The following LRRC40 variants were observed in gnomAD, a reference collection of about 807,000 sequenced individuals.
LRRC40 encodes leucine rich repeat containing 40.
A neutral mutation model predicts 72.8 loss-of-function variants in LRRC40; 76 were observed. The ratio of observed to expected loss-of-function variants is 1.04; its 90% CI spans 0.87 to 1.26. The LOEUF (loss-of-function observed/expected upper bound fraction) is 1.26. LRRC40 is among the 50% of genes most tolerant of loss of function. The pLI is 0.00. For synonymous variants in LRRC40, 243 were observed against 254.2 expected, an observed-to-expected ratio of 0.96 and a Z score of 0.42; for missense variants, 684 against 698.9, an observed-to-expected ratio of 0.98 and a Z score of 0.24.
intron 5 of LRRC40, 88 bp from the exon 6 acceptor site, chr1:70,179,081 C>T (rs972466231): frequency 5.9e-6 from 4 of 677,932 alleles, no homozygotes; most frequent in Non-Finnish European, 9.1e-6. Flanking sequence ...TGTAAGAAAT[C>T]GCTATGAGGA....
intron 9 of LRRC40, among the ~76,000 whole-genome samples, chr1:70,160,699 A>G (rs1368746736): frequency 1.3e-5 from 2 of 152,172 alleles, no homozygotes; most frequent in African/African-American, 2.4e-5. Flanking sequence ...AGCTCCTTTT[A>G]ATAATTAGCA....
intron 1 of LRRC40, among the ~76,000 whole-genome samples, chr1:70,204,344 T>C (rs1297188873): frequency 6.6e-6 from 1 of 152,192 alleles, no homozygotes; most frequent in African/African-American, 2.4e-5. Flanking sequence ...ATAAATGATA[T>C]AAATTCTGAT....
rs1344500106 is a variant in LRRC40 at position 70,169,764 on chromosome 1, T to C, written c.1111+3701A>G. On this transcript the variant is annotated intron_variant, in intron 9 of 14. Coordinates refer to ENST00000370952, the MANE Select transcript of LRRC40 (RefSeq NM_017768.5). Reference sequence around the variant, plus strand: ...GAAACAGACAATCTGAGTATATCTATAACACGTGAAGAGTAATAAAAAAAA... The same window carrying C: ...GAAACAGACAATCTGAGTATATCTACAACACGTGAAGAGTAATAAAAAAAA... Among the ~76,000 whole-genome samples the C allele has an allele frequency of 3.3e-5, 5 of 152,046 alleles. No individual in the cohort carries two copies. In the East Asian group the frequency reaches 9.6e-4, roughly 29 times the overall value.
rs778220679 is a variant in LRRC40, at chr1:70,189,162, A to G, written c.263T>C (p.Ile88Thr). Residue 88 changes from isoleucine (I) to threonine (T), a missense_variant, in exon 2 of 15, where the codon ATA (isoleucine) becomes ACA (threonine). Physicochemically the swap from Ile to Thr is moderately conservative, Grantham distance 89 (BLOSUM62 -1). Coordinates refer to ENST00000370952, the MANE Select transcript of LRRC40 (RefSeq NM_017768.5). ...WWEQTDLTKLIISNNKLQSLT... is the reference protein window; with the variant it reads ...WWEQTDLTKLTISNNKLQSLT... The stretch of plus-strand genomic sequence containing the variant: ...TGACTGAAGTTTATTGTTTGATATT[A>G]TTAGTTTGGTCAAATCTGTCTGCTC... 6.2e-7 allele frequency: 1 copy of G among 1,613,920 alleles called. No individual in the cohort carries two copies. Among genetic ancestry groups the G allele is most frequent in the Non-Finnish European group, 8.5e-7 (1 of 1,179,950 alleles).
At chr1:70,190,705 A>G (rs1668480818) in intron 1 of LRRC40, among the ~76,000 whole-genome samples, 1 of 141,426 alleles carries the variant, frequency 7.1e-6, no homozygotes, top group South Asian at 2.3e-4. Flanking sequence ...AACTTAAAAA[A>G]AGAAAAAGAA....
At position 70,173,727 on chromosome 1, in the gene LRRC40, G is replaced by T. The variant is rs1198450219; in HGVS notation, c.978-18C>A. 1.6e-6 allele frequency: 2 copies of T among 1,262,348 alleles called. No individual in the cohort carries two copies. Among genetic ancestry groups the T allele is most frequent in the East Asian group, 2.5e-5 (1 of 40,794 alleles). 78.2% of individuals were successfully genotyped at this position (1,262,348 alleles called of 1,614,324 possible). A position where few individuals can be genotyped will look rare whatever the true frequency, so the allele number is the denominator to read the frequency against. The stretch of plus-strand genomic sequence containing the variant: ...AGGGAAGACTATAAAAGATTAAATT[G>T]ATTTCAGGGAAAGCATCAAATATAA... On this transcript the variant is annotated intron_variant, in intron 7 of 14. Transcript: ENST00000370952.
At chr1:70,191,975 T>G (rs1668510421) in intron 1 of LRRC40, among the ~76,000 whole-genome samples, 1 of 152,160 alleles carries the variant, frequency 6.6e-6, no homozygotes. Flanking sequence ...CCACATGAAT[T>G]TTAAAATAGT....
chr1:70,166,246 T>C (rs1462106449), intron 9 of LRRC40, among the ~76,000 whole-genome samples: 1 of 152,090 alleles, frequency 6.6e-6, no homozygotes, highest in East Asian at 1.9e-4. Context: ...AAACTACAAA[T>C]GTCAGGAAAT....
intron 7 of LRRC40, among the ~76,000 whole-genome samples, chr1:70,175,591 A>G (rs566448093): frequency 1.8e-4 from 27 of 152,286 alleles, no homozygotes; most frequent in African/African-American, 6.5e-4. Flanking sequence ...TAATCTAGTT[A>G]GAGTAAGTCA....
rs1458680140 is a variant in LRRC40, at chr1:70,184,858, C to T, written c.464G>A (p.Cys155Tyr). The change falls in exon 4 of 15, where the codon TGC (cysteine) becomes TAC (tyrosine). Residue 155 changes from cysteine (C) to tyrosine (Y), a missense_variant. Transcript: ENST00000370952. ...TAATTCATTATGCTGGAGATACAGG[C>T]ACTTCAGGTTTCTTAGGTTTGTAAT... ...EEITNLRNLKCLYLQHNELTC... is the reference protein window; with the variant it reads ...EEITNLRNLKYLYLQHNELTC... 1.2e-6 allele frequency: 2 copies of T among 1,610,720 alleles called. No individual in the cohort carries two copies. Among genetic ancestry groups the T allele is most frequent in the East Asian group, 4.5e-5 (2 of 44,756 alleles).
At chr1:70,166,872 C>A (rs1189399773) in intron 9 of LRRC40, among the ~76,000 whole-genome samples, 1 of 149,868 alleles carries the variant, frequency 6.7e-6, no homozygotes, top group East Asian at 2.0e-4. Context: ...CAATCCTGTT[C>A]TAAAAAAATT....
Position 70,205,410 on chromosome 1 carries a change from G to C in LRRC40, c.131C>G (p.Ser44Trp). The part of the protein sequence containing the change: ...AARKSGQLNL[S>W]GRNLSEVPQC... The stretch of plus-strand genomic sequence containing the variant: ...CTTACCTTCACTGAGGTTTCTACCC[G>C]ACAGGTTTAACTGGCCGCTCTTCCT... Residue 44 changes from serine (S) to tryptophan (W), a missense_variant, in exon 1 of 15, where the codon TCG becomes TGG. Coordinates refer to ENST00000370952, the MANE Select transcript of LRRC40 (RefSeq NM_017768.5). The C allele has an allele frequency of 6.3e-7, 1 of 1,595,560 alleles. No individual in the cohort carries two copies. Among genetic ancestry groups the C allele is most frequent in the Non-Finnish European group, 8.6e-7 (1 of 1,166,130 alleles).
chr1:70,162,335 G>A (rs1402167947), intron 9 of LRRC40, among the ~76,000 whole-genome samples: 1 of 151,994 alleles, frequency 6.6e-6, no homozygotes. Flanking sequence ...TGTCCCCTGA[G>A]GAGACATCTG....
At chr1:70,161,332 C>T (rs1667756710) in intron 9 of LRRC40, among the ~76,000 whole-genome samples, 1 of 151,976 alleles carries the variant, frequency 6.6e-6, no homozygotes, top group African/African-American at 2.4e-5. Flanking sequence ...GATCCGCCTG[C>T]CTTGGCCTCC....
chr1:70,178,949 G>A lies in LRRC40; in HGVS notation c.706C>T (p.Pro236Ser). 6.2e-7 allele frequency: 1 copy of A among 1,600,346 alleles called. No homozygotes were observed. Among genetic ancestry groups the A allele is most frequent in the Non-Finnish European group, 8.5e-7 (1 of 1,170,958 alleles). ...GATTCCATGCCAGCCAATTCAGGAG[G>A]TATAGTTTCCAAGAGATTTGAATTA... ...DCNSNLLETI[P>S]PELAGMESLE... The change falls in exon 6 of 15, where the codon CCT (proline) becomes TCT (serine). Residue 236 changes from proline to serine, a missense_variant. Pro to Ser is a moderately conservative substitution (Grantham distance 74). Transcript: ENST00000370952.
rs1488198433 is a variant in LRRC40 at position 70,145,722 on chromosome 1, A to C, written c.*78T>G. ...TACAATAATCACCTTTTAAGATGAT[A>C]CTAAAACAAATGTTACATCCTCCTT... On this transcript the variant is annotated 3_prime_UTR_variant, in exon 15 of 15. Transcript: ENST00000370952. The C allele has an allele frequency of 2.7e-6, 2 of 729,938 alleles. No individual in the cohort carries two copies. The highest frequency in any genetic ancestry group is 4.7e-6 in the Non-Finnish European group (2 of 426,280). The allele number at this position is 729,938 out of a possible 1,614,324, so 45.2% of individuals were successfully genotyped here.
intron 1 of LRRC40, among the ~76,000 whole-genome samples, chr1:70,200,926 C>T (rs1014998252): frequency 2.6e-5 from 4 of 152,146 alleles, no homozygotes; most frequent in African/African-American, 9.7e-5. Context: ...AATCCAAGCA[C>T]TTTGGGAGAC....
chr1:70,162,049 T>C (rs147342125), intron 9 of LRRC40, among the ~76,000 whole-genome samples: 7 of 152,306 alleles, frequency 4.6e-5, no homozygotes, highest in African/African-American at 1.2e-4. Context: ...TTTTCAATAG[T>C]AGAAGAATTG....
chr1:70,197,430 G>C (rs1272148219), intron 1 of LRRC40, among the ~76,000 whole-genome samples: 1 of 151,848 alleles, frequency 6.6e-6, no homozygotes, highest in African/African-American at 2.4e-5. Context: ...AGGACTACAG[G>C]CATGTGCCAC....
Sources: allele counts gnomAD v4.1 joint callset (sites outside exome capture counted in the v4.1 genomes callset), GRCh38; gene constraint gnomAD v4.1.1; transcripts MANE v1.5; gene names NCBI Gene and HGNC (gene_info 2026-07-23, HGNC 2026-07-21).